STXBP5L: variants seen among roughly 807,000 people sequenced by gnomAD.
STXBP5L encodes the protein syntaxin-binding protein 5-like.
Under a neutral mutation model 144.5 loss-of-function variants are expected in STXBP5L, and 65 were observed. The observed-to-expected ratio is 0.45, with a 90% CI of 0.37 to 0.55. The LOEUF (loss-of-function observed/expected upper bound fraction) is 0.55. Among genes scored for constraint, STXBP5L ranks in the 20% least tolerant of loss-of-function variants. The probability of loss-of-function intolerance (pLI) is 0.00; values close to 1 mark genes in which losing one functional copy is unlikely to be tolerated. For synonymous variants in STXBP5L, 505 were observed against 469.6 expected (o/e 1.08, Z -0.97); for missense variants, 1,298 against 1,405.5 (o/e 0.92, Z 1.22).
At chr3:121,011,173 T>TTAA (rs1944746321) in intron 3 of STXBP5L, among the ~76,000 whole-genome samples, 1 of 151,024 alleles carries the variant, frequency 6.6e-6, no homozygotes, top group Non-Finnish European at 1.5e-5. Context: ...GCCTTGAAAC[T>TTAA]ATCCCGGTAA....
Position 121,053,671 on chromosome 3 carries a change from G to A in STXBP5L, c.470+8136G>A, listed in dbSNP as rs561368933. Among the ~76,000 whole-genome samples the A allele has an allele frequency of 3.2e-4, 48 of 152,242 alleles. No homozygotes were observed. The South Asian group carries it at 5.2e-3, about 16-fold the overall frequency. On this transcript the variant is annotated intron_variant, in intron 5 of 26. Transcript: ENST00000471454. ...CCTAGGCAATACCATTCAGGACATA[G>A]GCATGGGCAAGGACTTCATGTCTAA...
chr3:120,976,240 C>G, intron 3 of STXBP5L, among the ~76,000 whole-genome samples: 1 of 152,160 alleles, frequency 6.6e-6, no homozygotes, highest in East Asian at 1.9e-4. Flanking sequence ...TTAGTCTATT[C>G]AGAGATTCAA....
At chr3:121,028,633 A>G (rs1290358266) in intron 3 of STXBP5L, among the ~76,000 whole-genome samples, 1 of 152,064 alleles carries the variant, frequency 6.6e-6, no homozygotes, top group Admixed American at 6.6e-5. Flanking sequence ...TAAGATTATC[A>G]TTTTCTTTGG....
intron 3 of STXBP5L, among the ~76,000 whole-genome samples, chr3:121,032,898 C>G (rs1211108201): frequency 5.9e-5 from 3 of 51,018 alleles, no homozygotes; most frequent in Non-Finnish European, 1.2e-4. Flanking sequence ...GTTAGAATGG[C>G]AATCATTAAA....
chr3:121,424,313 T>C lies in STXBP5L; in HGVS notation c.*5216T>C, dbSNP rs1012452624. ...TGGACATGTGTTTAAAGGAAAAGAA[T>C]ACCTGTAACTTCCTATATGACATCC... is the stretch of plus-strand genomic sequence containing the variant. On this transcript the variant is annotated 3_prime_UTR_variant, in exon 27 of 27. Transcript: ENST00000471454. 2.0e-5 allele frequency: 3 copies of C among 152,214 alleles called. No individual in the cohort carries two copies. Among genetic ancestry groups the C allele is most frequent in the Non-Finnish European group, 4.4e-5 (3 of 68,032 alleles). The allele number at this position is 152,214 out of a possible 1,614,324, so 9.4% of individuals were successfully genotyped here. A position where few individuals can be genotyped will look rare whatever the true frequency, so the allele number is the denominator to read the frequency against.
intron 5 of STXBP5L, among the ~76,000 whole-genome samples, chr3:121,052,903 G>A (rs1948135378): frequency 6.6e-6 from 1 of 152,110 alleles, no homozygotes; most frequent in Admixed American, 6.5e-5. Context: ...CAAAGTCTCA[G>A]GATGCAAAAT....
chr3:121,027,261 G>T (rs1576701790), intron 3 of STXBP5L, among the ~76,000 whole-genome samples: 1 of 152,018 alleles, frequency 6.6e-6, no homozygotes, highest in Non-Finnish European at 1.5e-5. Context: ...TTCTGAAAGA[G>T]AGTACTCAAA....
Position 121,318,551 on chromosome 3 carries a change from G to C in STXBP5L, c.2176+11G>C. On this transcript the variant is annotated intron_variant, in intron 20 of 26. Transcript: ENST00000471454. ...AGTCTCCTACCTCAGGTAAACATGA[G>C]TGGTATTTTGCAGACTTCTGGTAAT... 6.5e-7 allele frequency: 1 copy of C among 1,530,790 alleles called. No individual in the cohort carries two copies. The highest frequency in any genetic ancestry group is 8.8e-7 in the Non-Finnish European group (1 of 1,136,646). The allele number at this position is 1,530,790 out of a possible 1,614,324, so 94.8% of individuals were successfully genotyped here.
chr3:121,389,683 A>T (rs958384358), intron 22 of STXBP5L, among the ~76,000 whole-genome samples: 1 of 152,088 alleles, frequency 6.6e-6, no homozygotes. Context: ...GTTTCCATGT[A>T]GTTGTGTGGT....
chr3:121,168,629 C>A (rs1318388773), intron 9 of STXBP5L, among the ~76,000 whole-genome samples: 1 of 151,760 alleles, frequency 6.6e-6, no homozygotes, highest in Non-Finnish European at 1.5e-5. Context: ...AGCGTGAAGA[C>A]AAGATTAGAG....
intron 2 of STXBP5L, among the ~76,000 whole-genome samples, chr3:120,914,053 T>A (rs1250879037): frequency 6.6e-6 from 1 of 151,962 alleles, no homozygotes; most frequent in Non-Finnish European, 1.5e-5. Context: ...TTCAAACAGA[T>A]GTAGAAAAGA....
At chr3:121,352,347 T>G (rs2045323377) in intron 20 of STXBP5L, among the ~76,000 whole-genome samples, 1 of 152,100 alleles carries the variant, frequency 6.6e-6, no homozygotes, top group African/African-American at 2.4e-5. Flanking sequence ...GATTGTGTCT[T>G]CTTTATTTCA....
At chr3:121,219,588 T>TGA (rs2048912145) in intron 10 of STXBP5L, among the ~76,000 whole-genome samples, 1 of 152,154 alleles carries the variant, frequency 6.6e-6, no homozygotes, top group African/African-American at 2.4e-5. Context: ...GCTTAATAAT[T>TGA]TTATCCTCTT....
At chr3:121,115,086 A>T (rs752163928) in intron 6 of STXBP5L, 27 bp downstream of exon 6, 38 of 1,591,576 alleles carry the variant, frequency 2.4e-5, no homozygotes, top group Non-Finnish European at 3.1e-5. Context: ...ATATCACTTT[A>T]TTGGCTTAAA....
chr3:121,107,914 G>A (rs1276163967), intron 5 of STXBP5L, among the ~76,000 whole-genome samples: 2 of 152,140 alleles, frequency 1.3e-5, no homozygotes, highest in Admixed American at 6.6e-5. Context: ...AGTTCTCCTT[G>A]AAGAGCTCCT....
Position 121,368,697 on chromosome 3 carries a change from G to A in STXBP5L, c.2177-10019G>A, listed in dbSNP as rs1315766820. On this transcript the variant is annotated intron_variant, in intron 20 of 26. Coordinates refer to ENST00000471454, the MANE Select transcript of STXBP5L (RefSeq NM_001308330.2). ...CTTTATAGTTGTAATCTGTCTCTGT[G>A]CCAAGGACTGGTCTGGGGTGTAATC... Among the ~76,000 whole-genome samples, 4 of 152,034 alleles carry A rather than the reference G, an allele frequency of 2.6e-5. No individual in the cohort carries two copies. In the South Asian group the frequency reaches 8.3e-4, roughly 32 times the overall value.
At chr3:120,962,967 GTTC>G (rs1466448535) in intron 3 of STXBP5L, among the ~76,000 whole-genome samples, 1 of 152,118 alleles carries the variant, frequency 6.6e-6, no homozygotes, top group African/African-American at 2.4e-5. Context: ...GTGGTTTGTA[GTTC>G]TTCTTCAAGA....
intron 5 of STXBP5L, among the ~76,000 whole-genome samples, chr3:121,080,109 T>C (rs906335714): frequency 6.6e-6 from 1 of 152,224 alleles, no homozygotes; most frequent in African/African-American, 2.4e-5. Flanking sequence ...CTGTTATTGT[T>C]TTAAAGTCTG....
chr3:121,019,309 G>A (rs1226454433), intron 3 of STXBP5L, among the ~76,000 whole-genome samples: 2 of 152,092 alleles, frequency 1.3e-5, no homozygotes, highest in Middle Eastern at 3.2e-3. Context: ...GAAGACAAAC[G>A]ACATAATGCC....
Sources: allele counts gnomAD v4.1 joint callset (sites outside exome capture counted in the v4.1 genomes callset), GRCh38; gene constraint gnomAD v4.1.1; transcripts MANE v1.5; gene names NCBI Gene and HGNC (gene_info 2026-07-23, HGNC 2026-07-21).